Variants in C6orf118 observed in about 807,000 individuals in gnomAD.
The protein encoded by C6orf118 is chromosome 6 open reading frame 118.
A neutral mutation model predicts 50.2 loss-of-function variants in C6orf118; 50 were observed. The ratio of observed to expected loss-of-function variants is 1.00; its 90% CI spans 0.79 to 1.26. The LOEUF (loss-of-function observed/expected upper bound fraction) is 1.26, where lower values mean the gene tolerates loss of function less well. C6orf118 is among the 50% of genes most tolerant of loss of function. The probability of loss-of-function intolerance (pLI) is 0.00; values close to 1 mark genes in which losing one functional copy is unlikely to be tolerated. For missense variants in C6orf118, 641 were observed against 578.7 expected (o/e 1.11, Z -1.10); for synonymous variants, 239 against 230.9 (o/e 1.03, Z -0.32).
Position 165,289,969 on chromosome 6 carries a change from G to C in C6orf118, c.1219C>G (p.Gln407Glu), listed in dbSNP as rs1198327263. The C allele has an allele frequency of 6.2e-7, 1 of 1,610,884 alleles. No individual in the cohort carries two copies. Among genetic ancestry groups the C allele is most frequent in the Non-Finnish European group, 8.5e-7 (1 of 1,178,176 alleles). The change falls in exon 7 of 9, where the codon CAA becomes GAA. Residue 407 changes from glutamine (Q) to glutamate (E), a missense_variant. Coordinates refer to ENST00000230301, the MANE Select transcript of C6orf118 (RefSeq NM_144980.4). ...GTTTTAATTTCTTTTTCCAGAGCTTGTATCTCATCCCACTTACTGAGTATT... is the reference window on the plus strand; with the variant it reads ...GTTTTAATTTCTTTTTCCAGAGCTTCTATCTCATCCCACTTACTGAGTATT... ...CEILSKWDEI[Q>E]ALEKEIKTTL...
intron 7 of C6orf118, 46 bp from the exon 8 acceptor site, chr6:165,281,739 T>A: frequency 2.5e-6 from 3 of 1,222,866 alleles, no homozygotes; most frequent in Non-Finnish European, 2.2e-6. Context: ...GTTAAAAATA[T>A]TTGTTAATTA....
chr6:165,281,183 A>G (rs1398073401), intron 8 of C6orf118, among the ~76,000 whole-genome samples: 1 of 152,242 alleles, frequency 6.6e-6, no homozygotes, highest in Non-Finnish European at 1.5e-5. Flanking sequence ...ATATAATTGG[A>G]GAAAATAAAG....
At chr6:165,294,304 C>T (rs1303863225) in intron 5 of C6orf118, among the ~76,000 whole-genome samples, 1 of 144,386 alleles carries the variant, frequency 6.9e-6, no homozygotes, top group Non-Finnish European at 1.5e-5. Context: ...GTAAATAATA[C>T]AAGAAACTTT....
Position 165,298,014 on chromosome 6 carries a change from C to T in C6orf118, c.1024G>A (p.Val342Met), listed in dbSNP as rs373366115. The T allele has an allele frequency of 1.9e-5, 31 of 1,613,868 alleles. No individual in the cohort carries two copies. The highest frequency in any genetic ancestry group is 1.3e-4 in the Admixed American group (8 of 60,006). Reference protein sequence around the residue: ...DLAREELRMLVTATKAALEQN... With the variant: ...DLAREELRMLMTATKAALEQN... ...TCCAGGGCTGCTTTTGTGGCTGTCACGAGCATCCTCAGCTCTTCCCTGGCG... is the reference window on the plus strand; with the variant it reads ...TCCAGGGCTGCTTTTGTGGCTGTCATGAGCATCCTCAGCTCTTCCCTGGCG... The change falls in exon 5 of 9, where the codon GTG (valine) becomes ATG (methionine). Residue 342 changes from valine to methionine, a missense_variant. Coordinates refer to ENST00000230301, the MANE Select transcript of C6orf118 (RefSeq NM_144980.4).
intron 5 of C6orf118, among the ~76,000 whole-genome samples, chr6:165,293,766 G>A (rs1780189099): frequency 6.6e-6 from 1 of 151,836 alleles, no homozygotes; most frequent in South Asian, 2.1e-4. Flanking sequence ...TGCTAAGAAG[G>A]AAGAAGGCAA....
rs1779740394 is a variant in C6orf118 at position 165,281,813 on chromosome 6, T to C, written c.1303-120A>G. 4 of 518,132 alleles carry C rather than the reference T, an allele frequency of 7.7e-6. No individual in the cohort carries two copies. In the East Asian group the frequency reaches 1.5e-4, roughly 20 times the overall value. 32.1% of individuals were successfully genotyped at this position (518,132 alleles called of 1,614,324 possible). A position where few individuals can be genotyped will look rare whatever the true frequency, so the allele number is the denominator to read the frequency against. ...AATTTCAAGAGTACTCAATAGCACA[T>C]TACTTAAAAACAGATGAAGAAACAA... On this transcript the variant is annotated intron_variant, in intron 7 of 8. Transcript: ENST00000230301.
In C6orf118 at chr6:165,299,436, T is replaced by C. The variant is rs1002893574; in HGVS notation, c.936+7A>G. 6.2e-7 allele frequency: 1 copy of C among 1,613,678 alleles called. No individual in the cohort carries two copies. Among genetic ancestry groups the C allele is most frequent in the Non-Finnish European group, 8.5e-7 (1 of 1,179,634 alleles). On this transcript the variant is annotated splice_region_variant and intron_variant, in intron 4 of 8. Coordinates refer to ENST00000230301, the MANE Select transcript of C6orf118 (RefSeq NM_144980.4). The stretch of plus-strand genomic sequence containing the variant: ...CTCTATTCAGGCTCTTTGTGATCGA[T>C]CGTCACCTCGTACTGTGCTGCAGGC...
rs1780377264 is a variant in C6orf118 at position 165,298,065 on chromosome 6, G to C, written c.973C>G (p.Pro325Ala). The change falls in exon 5 of 9, where the codon CCG (proline) becomes GCG (alanine). Residue 325 changes from proline to alanine, a missense_variant. Coordinates refer to ENST00000230301, the MANE Select transcript of C6orf118 (RefSeq NM_144980.4). ...LAQLKALGQR[P>A]VKTADMDLAR... ...AGATCCATGTCCGCCGTCTTCACCG[G>C]CCTCTGCCCCAGCGCCTTGAGTTGA... 1.2e-6 allele frequency: 2 copies of C among 1,612,050 alleles called. No homozygotes were observed. The highest frequency in any genetic ancestry group is 1.7e-5 in the Admixed American group (1 of 59,824).
Position 165,289,954 on chromosome 6 carries a change from C to A in C6orf118, c.1234G>T (p.Glu412Ter). 3 of 1,610,956 alleles carry A rather than the reference C, an allele frequency of 1.9e-6. No homozygotes were observed. The highest frequency in any genetic ancestry group is 3.3e-4 in the Middle Eastern group (2 of 6,046). The change falls in exon 7 of 9, where the codon GAA (glutamate) becomes TAA (stop). Residue 412 changes from glutamate (E) to a stop codon, truncating the protein, a stop_gained. Transcript: ENST00000230301. LOFTEE classifies it high-confidence loss of function. ...GTATGAACCAAAGTTGTTTTAATTT[C>A]TTTTTCCAGAGCTTGTATCTCATCC... ...KWDEIQALEKEIKTTLVHTGI... is the reference protein window; with the variant it reads ...KWDEIQALEK
At chr6:165,300,653 CTTCT>C (rs1260203607) in intron 2 of C6orf118, among the ~76,000 whole-genome samples, 167 bp from the exon 3 acceptor site, 13 of 151,974 alleles carry the variant, frequency 8.6e-5, no homozygotes, top group African/African-American at 2.9e-4. Flanking sequence ...AGTTGCTGAG[CTTCT>C]TTGTTTCCCT....
chr6:165,302,801 C>G, intron 1 of C6orf118, among the ~76,000 whole-genome samples: 1 of 152,272 alleles, frequency 6.6e-6, no homozygotes, highest in South Asian at 2.1e-4. Flanking sequence ...CCTGCAGCAT[C>G]CCTACAGAGC....
At chr6:165,299,587 T>C in intron 3 of C6orf118, 85 bp from the exon 4 acceptor site, 1 of 992,368 alleles carries the variant, frequency 1.0e-6, no homozygotes, top group Non-Finnish European at 1.6e-6. Flanking sequence ...AATACGGAAG[T>C]CAAGAATGTT....
intron 7 of C6orf118, among the ~76,000 whole-genome samples, chr6:165,287,400 G>A (rs1158676218): frequency 2.0e-5 from 3 of 151,888 alleles, no homozygotes; most frequent in Admixed American, 2.0e-4. Flanking sequence ...AACTACCATT[G>A]ACATTCTCCA....
chr6:165,301,658 G>C lies in C6orf118; in HGVS notation c.664C>G (p.Gln222Glu), dbSNP rs1229307187. 1 of 1,614,150 alleles carries C rather than the reference G, an allele frequency of 6.2e-7. No homozygotes were observed. The highest frequency in any genetic ancestry group is 1.7e-5 in the Admixed American group (1 of 60,022). The part of the protein sequence containing the change: ...ADRYRMFLRF[Q>E]KEVLAKQDLL... Reference sequence around the variant, plus strand: ...TCTTGCTTGGCGAGCACTTCCTTCTGGAAACGCAGGAACATCCTGTACCTG... The same window carrying C: ...TCTTGCTTGGCGAGCACTTCCTTCTCGAAACGCAGGAACATCCTGTACCTG... Residue 222 changes from glutamine (Q) to glutamate (E), a missense_variant, in exon 2 of 9, where the codon CAG (glutamine) becomes GAG (glutamate). Gln to Glu is a conservative substitution (Grantham distance 29, BLOSUM62 2). Coordinates refer to ENST00000230301, the MANE Select transcript of C6orf118 (RefSeq NM_144980.4).
chr6:165,300,606 C>A, intron 2 of C6orf118, 120 bp from the exon 3 acceptor site: 4 of 813,274 alleles, frequency 4.9e-6, no homozygotes, highest in Admixed American at 2.5e-5. Flanking sequence ...CGGGGCGGCA[C>A]AGGGGGCCAG....
intron 2 of C6orf118, 57 bp from the exon 3 acceptor site, chr6:165,300,543 C>T (rs957415525): frequency 1.6e-5 from 25 of 1,554,632 alleles, no homozygotes; most frequent in South Asian, 4.7e-5. Context: ...CTTCCAGAAC[C>T]GAATTTCTCA....
chr6:165,288,479 G>A (rs1248462249), intron 7 of C6orf118, among the ~76,000 whole-genome samples: 1 of 152,090 alleles, frequency 6.6e-6, no homozygotes, highest in Non-Finnish European at 1.5e-5. Context: ...AAAGATACAT[G>A]CACATATATG....
chr6:165,305,070 C>G (rs937008294), intron 1 of C6orf118, among the ~76,000 whole-genome samples: 2 of 77,014 alleles, frequency 2.6e-5, no homozygotes, highest in Non-Finnish European at 4.7e-5. Flanking sequence ...TGACTTCAAA[C>G]TATACTACAA....
chr6:165,284,855 CA>C (rs1478730996), intron 7 of C6orf118, among the ~76,000 whole-genome samples: 1 of 152,132 alleles, frequency 6.6e-6, no homozygotes, highest in Non-Finnish European at 1.5e-5. Context: ...AAACCATTAC[CA>C]GCCACTACAA....
Sources: allele counts gnomAD v4.1 joint callset (sites outside exome capture counted in the v4.1 genomes callset), GRCh38; gene constraint gnomAD v4.1.1; transcripts MANE v1.5; gene names NCBI Gene and HGNC (gene_info 2026-07-23, HGNC 2026-07-21).